The following ADAMTSL1 variants were observed in gnomAD, a reference collection of about 807,000 sequenced individuals.
ADAMTSL1 encodes ADAMTS like 1.
Under a neutral mutation model 201.8 loss-of-function variants are expected in ADAMTSL1, and 126 were observed. That is an observed-to-expected ratio of 0.62 (90% CI 0.54 to 0.72). The LOEUF is 0.72. Among genes scored for constraint, ADAMTSL1 ranks in the 30% least tolerant of loss-of-function variants. ADAMTSL1 has a pLI of 0.00. For synonymous variants in ADAMTSL1, 1,121 were observed against 903.4 expected (o/e 1.24, Z -4.32); for missense variants, 2,679 against 2,277.8 (o/e 1.18, Z -3.59).
At chr9:18,465,006 G>GTATT (rs1820949637) in intron 2 of ADAMTSL1, among the ~76,000 whole-genome samples, 1 of 152,162 alleles carries the variant, frequency 6.6e-6, no homozygotes, top group Admixed American at 6.5e-5. Context: ...CATATTTCTT[G>GTATT]TATTTGATCA....
chr9:18,023,139 A>G (rs945316091), intron 1 of ADAMTSL1, among the ~76,000 whole-genome samples: 2 of 119,444 alleles, frequency 1.7e-5, no homozygotes, highest in African/African-American at 5.7e-5. Context: ...AGAATTATTT[A>G]CTATATATAT....
At chr9:18,617,210 C>T (rs1286230259) in intron 4 of ADAMTSL1, among the ~76,000 whole-genome samples, 1 of 152,180 alleles carries the variant, frequency 6.6e-6, no homozygotes, top group Non-Finnish European at 1.5e-5. Flanking sequence ...CTAAGAATGT[C>T]AGTCTGAGGC....
chr9:18,526,536 A>G (rs543687065), intron 2 of ADAMTSL1, among the ~76,000 whole-genome samples: 76 of 152,296 alleles, frequency 5.0e-4, no homozygotes, highest in African/African-American at 1.7e-3. Flanking sequence ...CCCAGCATCA[A>G]TGGTCTTTAC....
At chr9:18,403,888 G>T (rs1818080048) in intron 2 of ADAMTSL1, among the ~76,000 whole-genome samples, 1 of 152,058 alleles carries the variant, frequency 6.6e-6, no homozygotes, top group Non-Finnish European at 1.5e-5. Flanking sequence ...AACTTTGAGG[G>T]CCTGTTGTTT....
intron 2 of ADAMTSL1, among the ~76,000 whole-genome samples, chr9:18,275,266 C>T (rs1000054850): frequency 1.6e-4 from 24 of 152,220 alleles, no homozygotes; most frequent in South Asian, 4.2e-4. Context: ...CATTATTGTG[C>T]GCATTACTTT....
chr9:18,454,876 AAGTG>A (rs1479843029), intron 2 of ADAMTSL1, among the ~76,000 whole-genome samples: 1 of 152,206 alleles, frequency 6.6e-6, no homozygotes, highest in Non-Finnish European at 1.5e-5. Flanking sequence ...TCAAAGGTAC[AAGTG>A]AGTTTTTAGG....
chr9:18,315,279 A>C (rs1834336211), intron 2 of ADAMTSL1, among the ~76,000 whole-genome samples: 1 of 152,102 alleles, frequency 6.6e-6, no homozygotes, highest in Non-Finnish European at 1.5e-5. Flanking sequence ...AAAGTTCTTC[A>C]AGTCCCCACC....
At chr9:18,783,213 C>T (rs953999275) in intron 19 of ADAMTSL1, among the ~76,000 whole-genome samples, 6 of 152,190 alleles carry the variant, frequency 3.9e-5, no homozygotes, top group Admixed American at 2.0e-4. Flanking sequence ...AACTAAGAAA[C>T]CTTCAAGTGC....
intron 23 of ADAMTSL1, among the ~76,000 whole-genome samples, chr9:18,845,208 T>G (rs1331910206): frequency 1.3e-5 from 2 of 152,214 alleles, no homozygotes; most frequent in African/African-American, 4.8e-5. Flanking sequence ...ACACTCTCCT[T>G]AGTGAGCAAG....
At chr9:18,481,952 T>G (rs961110559) in intron 1 of ADAMTSL1, among the ~76,000 whole-genome samples, 4 of 152,204 alleles carry the variant, frequency 2.6e-5, no homozygotes, top group African/African-American at 9.7e-5. Flanking sequence ...AATCTGTACA[T>G]AGTTTCCACT....
At chr9:18,205,643 G>A (rs1227444565) in intron 2 of ADAMTSL1, among the ~76,000 whole-genome samples, 1 of 152,092 alleles carries the variant, frequency 6.6e-6, no homozygotes, top group Non-Finnish European at 1.5e-5. Context: ...TGCTCTTCCT[G>A]TACTTCATGA....
chr9:18,376,031 C>T (rs914275818), intron 2 of ADAMTSL1, among the ~76,000 whole-genome samples: 6 of 152,306 alleles, frequency 3.9e-5, no homozygotes, highest in Admixed American at 3.3e-4. Flanking sequence ...TTACAATCCT[C>T]TTGTAAAACA....
At chr9:18,804,571 G>A (rs964362461) in intron 20 of ADAMTSL1, among the ~76,000 whole-genome samples, 2 of 152,174 alleles carry the variant, frequency 1.3e-5, no homozygotes, top group Admixed American at 1.3e-4. Context: ...ATCCAGAAAA[G>A]CTTCTGGCCA....
chr9:18,902,252 C>G (rs967376157), intron 26 of ADAMTSL1, among the ~76,000 whole-genome samples: 1 of 152,108 alleles, frequency 6.6e-6, no homozygotes, highest in African/African-American at 2.4e-5. Context: ...ATACTATAAA[C>G]CAATTGGAGC....
chr9:17,986,212 A>G (rs1490337436), intron 1 of ADAMTSL1, among the ~76,000 whole-genome samples: 1 of 152,078 alleles, frequency 6.6e-6, no homozygotes, highest in Non-Finnish European at 1.5e-5. Flanking sequence ...CCAGTCCCGT[A>G]TCCCTGGGTG....
intron 23 of ADAMTSL1, among the ~76,000 whole-genome samples, chr9:18,876,046 A>G (rs993123091): frequency 6.6e-6 from 1 of 152,126 alleles, no homozygotes; most frequent in Non-Finnish European, 1.5e-5. Context: ...TTTGTCTGGT[A>G]TAAGAATAGC....
At chr9:18,902,187 A>G (rs1013743183) in intron 26 of ADAMTSL1, among the ~76,000 whole-genome samples, 1 of 152,188 alleles carries the variant, frequency 6.6e-6, no homozygotes, top group Non-Finnish European at 1.5e-5. Context: ...CCCACTTTCA[A>G]CAATCGATAG....
rs1588086704 is a variant in ADAMTSL1 at position 18,775,902 on chromosome 9, T to A, written c.2551+6T>A. 1.9e-6 allele frequency: 3 copies of A among 1,586,874 alleles called. No homozygotes were observed. Among genetic ancestry groups the A allele is most frequent in the South Asian group, 2.3e-5 (2 of 86,878 alleles). ...TATGCTGGCAACCTGTGCAAGTAAG[T>A]ATGTCAGGGCTCTGGGAATGGGGAG... On this transcript the variant is annotated splice_donor_region_variant and intron_variant, in intron 18 of 28. Transcript: ENST00000380548.
intron 1 of ADAMTSL1, among the ~76,000 whole-genome samples, chr9:18,475,965 A>G (rs1031714016): frequency 6.6e-6 from 1 of 152,166 alleles, no homozygotes; most frequent in African/African-American, 2.4e-5. Context: ...ATTAGAGCAT[A>G]TAATTTGACT....
Sources: gnomAD v4.1 joint callset for allele counts (sites outside exome capture counted in the v4.1 genomes callset) on GRCh38, gnomAD v4.1.1 for gene constraint, MANE v1.5 for transcripts, NCBI Gene and HGNC (gene_info 2026-07-23, HGNC 2026-07-21) for gene names.